WNT16: variants seen among roughly 807,000 people sequenced by gnomAD.
WNT16 encodes Wnt family member 16.
In WNT16, 20 loss-of-function variants were observed where a neutral mutation model predicts 35.4. The observed-to-expected ratio is 0.56, with a 90% CI of 0.40 to 0.82. The LOEUF is 0.82. WNT16 is among the 40% of genes least tolerant of loss of function. The probability of loss-of-function intolerance (pLI) is 0.00; values close to 1 mark genes in which losing one functional copy is unlikely to be tolerated. For missense variants in WNT16, 461 were observed against 466.0 expected (o/e 0.99, Z 0.10); for synonymous variants, 180 against 179.2 (o/e 1.00, Z -0.03).
chr7:121,326,295 A>G (rs1395694129), upstream of WNT16, among the ~76,000 whole-genome samples: 1 of 152,198 alleles, frequency 6.6e-6, no homozygotes, highest in African/African-American at 2.4e-5. Context: ...TCATTCAAAT[A>G]TCTGTTCACT....
rs956541295 is a variant in WNT16, at chr7:121,340,628, T to C, written c.*1283T>C. 6.6e-6 allele frequency: 1 copy of C among 152,194 alleles called. No homozygotes were observed. The highest frequency in any genetic ancestry group is 1.5e-5 in the Non-Finnish European group (1 of 67,916). The allele number at this position is 152,194 out of a possible 1,614,324, so 9.4% of individuals were successfully genotyped here. A position where few individuals can be genotyped will look rare whatever the true frequency, so the allele number is the denominator to read the frequency against. On this transcript the variant is annotated 3_prime_UTR_variant, in exon 4 of 4. Coordinates refer to ENST00000222462, the MANE Select transcript of WNT16 (RefSeq NM_057168.2). ...AGGTTATTATAATAAATTATATTAG[T>C]AAAAGTCTTAACTGGAAAAAAGAAT...
chr7:121,329,003 A>G lies in WNT16; in HGVS notation c.-290A>G, dbSNP rs1793289668. On this transcript the variant is annotated 5_prime_UTR_variant, in exon 1 of 4. Transcript: ENST00000222462. ...GCGATGGAGACGCGGATACATCAAC[A>G]GAAGTTTCTCACCTAGGAATGCGAG... The G allele has an allele frequency of 8.5e-7, 1 of 1,175,832 alleles. No individual in the cohort carries two copies. The highest frequency in any genetic ancestry group is 4.0e-5 in the South Asian group (1 of 24,962). The allele number at this position is 1,175,832 out of a possible 1,614,324, so 72.8% of individuals were successfully genotyped here.
At chr7:121,332,306 C>T (rs183955364) in intron 3 of WNT16, among the ~76,000 whole-genome samples, 2 of 151,654 alleles carry the variant, frequency 1.3e-5, no homozygotes, top group African/African-American at 4.8e-5. Flanking sequence ...ATGTATATAC[C>T]CTTTCATGAA....
upstream of WNT16, among the ~76,000 whole-genome samples, chr7:121,328,367 G>A (rs893336673): frequency 6.6e-6 from 1 of 152,162 alleles, no homozygotes; most frequent in African/African-American, 2.4e-5. Flanking sequence ...CAGGAAATAA[G>A]ACAAATAGGG....
upstream of WNT16, chr7:121,325,544 G>C: frequency 6.6e-7 from 1 of 1,508,008 alleles, no homozygotes; most frequent in East Asian, 2.3e-5. Context: ...AGAGATCTGT[G>C]AATTGTGACG....
rs868743595 is a variant in WNT16, at chr7:121,339,786, C to T, written c.*441C>T. 1 of 264,804 alleles carries T rather than the reference C, an allele frequency of 3.8e-6. No homozygotes were observed. Among genetic ancestry groups the T allele is most frequent in the Non-Finnish European group, 7.1e-6 (1 of 140,596 alleles). The allele number at this position is 264,804 out of a possible 1,614,324, so 16.4% of individuals were successfully genotyped here. A position where few individuals can be genotyped will look rare whatever the true frequency, so the allele number is the denominator to read the frequency against. ...TCTTATAGCAATAAGGAGACATTAA[C>T]ATGAATCTCATTTATTCTCTCAGTA... On this transcript the variant is annotated 3_prime_UTR_variant, in exon 4 of 4. Transcript: ENST00000222462.
At chr7:121,332,095 A>C in intron 3 of WNT16, 131 bp downstream of exon 3, 1 of 1,072,448 alleles carries the variant, frequency 9.3e-7, no homozygotes. Context: ...GATCCTGAAA[A>C]TTAATATTGT....
chr7:121,330,371 T>A (rs148605332), intron 2 of WNT16, among the ~76,000 whole-genome samples: 1 of 152,248 alleles, frequency 6.6e-6, no homozygotes, highest in African/African-American at 2.4e-5. Context: ...GGACCACTTG[T>A]GCGCTTCTCG....
chr7:121,337,488 G>GT (rs1318486535), intron 3 of WNT16, among the ~76,000 whole-genome samples: 7 of 152,126 alleles, frequency 4.6e-5, no homozygotes, highest in Non-Finnish European at 7.4e-5. Flanking sequence ...AAACTGTGAG[G>GT]TTTTTCCTTT....
Position 121,329,229 on chromosome 7 carries a change from A to C in WNT16, c.-64A>C. ...TGCTGGACAACTGACCTGCGGCCCG[A>C]AGGGCCTCTGGGGAGGGGGTGCAAA... is the stretch of plus-strand genomic sequence containing the variant. On this transcript the variant is annotated 5_prime_UTR_variant, in exon 1 of 4. Coordinates refer to ENST00000222462, the MANE Select transcript of WNT16 (RefSeq NM_057168.2). The C allele has an allele frequency of 6.8e-7, 1 of 1,468,552 alleles. No individual in the cohort carries two copies. Among genetic ancestry groups the C allele is most frequent in the Non-Finnish European group, 9.0e-7 (1 of 1,111,454 alleles). The allele number at this position is 1,468,552 out of a possible 1,614,324, so 91.0% of individuals were successfully genotyped here. A position where few individuals can be genotyped will look rare whatever the true frequency, so the allele number is the denominator to read the frequency against.
chr7:121,330,714 GAAA>G (rs11371537), intron 2 of WNT16, among the ~76,000 whole-genome samples: 4,405 of 88,054 alleles, frequency 0.05, 98 homozygotes, highest in South Asian at 0.17. Context: ...CCCGTAGAGA[GAAA>G]AAAAAAAAAA....
intron 2 of WNT16, 81 bp downstream of exon 2, chr7:121,329,898 T>A: frequency 6.5e-7 from 1 of 1,540,284 alleles, no homozygotes; most frequent in South Asian, 1.2e-5. Context: ...AAGTAAATAG[T>A]GCTACGTGGT....
Position 121,329,093 on chromosome 7 carries a change from T to C in WNT16, c.-200T>C. 7.5e-7 allele frequency: 1 copy of C among 1,329,976 alleles called. No individual in the cohort carries two copies. Among genetic ancestry groups the C allele is most frequent in the Non-Finnish European group, 9.6e-7 (1 of 1,041,570 alleles). The allele number at this position is 1,329,976 out of a possible 1,614,324, so 82.4% of individuals were successfully genotyped here. On this transcript the variant is annotated 5_prime_UTR_variant, in exon 1 of 4. Coordinates refer to ENST00000222462, the MANE Select transcript of WNT16 (RefSeq NM_057168.2). ...AGGAGGAGATCCCCAGGCTGCTCTC[T>C]CCATCTCTCCTACAGCTCCCTGCAA...
At position 121,339,707 on chromosome 7, in the gene WNT16, T is replaced by TAA. The variant is rs965272533; in HGVS notation, c.*363_*364insAA. On this transcript the variant is annotated 3_prime_UTR_variant, in exon 4 of 4. Transcript: ENST00000222462. ...GGATAAGATCCTTGAATATGGAACTTAGTTACAGGACTCAATAATGGTGGG... is the reference window on the plus strand; with the variant it reads ...GGATAAGATCCTTGAATATGGAACTTAAAGTTACAGGACTCAATAATGGTGGG... 63 of 407,076 alleles carry TAA rather than the reference T, an allele frequency of 1.5e-4. No homozygotes were observed. The highest frequency in any genetic ancestry group is 7.0e-5 in the Non-Finnish European group (16 of 228,866). 25.2% of individuals were successfully genotyped at this position (407,076 alleles called of 1,614,324 possible).
chr7:121,329,544 C>T, intron 1 of WNT16, 23 bp from the exon 2 acceptor site: 1 of 1,611,768 alleles, frequency 6.2e-7, no homozygotes, highest in Non-Finnish European at 8.5e-7. Context: ...CGGCTTAACG[C>T]TACGGGCGGC....
At chr7:121,332,061 C>T in intron 3 of WNT16, 97 bp downstream of exon 3, 2 of 1,394,812 alleles carry the variant, frequency 1.4e-6, no homozygotes, top group South Asian at 2.8e-5. Context: ...ACTTAAAAAC[C>T]AAACACTGGC....
intron 3 of WNT16, 149 bp downstream of exon 3, chr7:121,332,113 A>T (rs1453625687): frequency 1.1e-6 from 1 of 949,968 alleles, no homozygotes; most frequent in Non-Finnish European, 1.5e-6. Flanking sequence ...TGTTTTTAAA[A>T]GACTACAGCA....
chr7:121,328,978 G>A (rs1238279539), upstream of WNT16: 3 of 1,092,344 alleles, frequency 2.7e-6, no homozygotes, highest in Non-Finnish European at 3.4e-6. Context: ...GAGGCCGGGG[G>A]CGATGGAGAC....
rs1433499389 is a variant in WNT16 at position 121,339,204 on chromosome 7, C to T, written c.957C>T (p.Gly319=). ...ECNRTSEGAD[G]CNLLCCGRGY... is the part of the protein sequence containing the mutation. Reference sequence around the variant, plus strand: ...ACCGTACATCAGAGGGTGCAGATGGCTGCAACCTCCTCTGCTGTGGCCGAG... The same window carrying T: ...ACCGTACATCAGAGGGTGCAGATGGTTGCAACCTCCTCTGCTGTGGCCGAG... Residue 319 remains glycine (G), a synonymous_variant, in exon 4 of 4, where the codon GGC becomes GGT. Coordinates refer to ENST00000222462, the MANE Select transcript of WNT16 (RefSeq NM_057168.2). 2 of 1,614,080 alleles carry T rather than the reference C, an allele frequency of 1.2e-6. No individual in the cohort carries two copies. The highest frequency in any genetic ancestry group is 2.7e-5 in the African/African-American group (2 of 74,940).
Sources: allele counts gnomAD v4.1 joint callset (sites outside exome capture counted in the v4.1 genomes callset), GRCh38; gene constraint gnomAD v4.1.1; transcripts MANE v1.5; gene names NCBI Gene and HGNC (gene_info 2026-07-23, HGNC 2026-07-21).